Variants in MAOB observed in about 807,000 individuals in gnomAD.
MAOB encodes amine oxidase [flavin-containing] B.
Under a neutral mutation model 41.9 loss-of-function variants are expected in MAOB, and 15 were observed. The observed-to-expected ratio is 0.36, with a 90% CI of 0.24 to 0.55. The LOEUF (loss-of-function observed/expected upper bound fraction) is 0.55. Among genes scored for constraint, MAOB ranks in the 20% least tolerant of loss-of-function variants. MAOB has a pLI of 0.86. For synonymous variants in MAOB, 167 were observed against 144.2 expected, an observed-to-expected ratio of 1.16 and a Z score of -1.13; for missense variants, 345 against 398.7, an observed-to-expected ratio of 0.87 and a Z score of 1.15.
intron 1 of MAOB, among the ~76,000 whole-genome samples, chrX:43,852,040 A>G (rs1465729853): frequency 8.9e-6 from 1 of 111,835 alleles, no homozygotes; most frequent in African/African-American, 3.3e-5. Context: ...TTTGCCCTTC[A>G]GTAGAAAAAG....
At chrX:43,773,484 C>A (rs933821075) in intron 12 of MAOB, among the ~76,000 whole-genome samples, 13 of 112,794 alleles carry the variant, frequency 1.2e-4, no homozygotes, top group African/African-American at 4.2e-4. Context: ...GTTCTCAGCA[C>A]AGTGCTTCGC....
At chrX:43,862,321 G>A (rs1310066135) in intron 1 of MAOB, among the ~76,000 whole-genome samples, 2 of 111,507 alleles carry the variant, frequency 1.8e-5, no homozygotes, top group East Asian at 5.6e-4. Context: ...TTAGTGCTAT[G>A]TCTTACTATG....
At chrX:43,875,647 CGTGGCCCCTCAAT>C (rs746319128) in intron 1 of MAOB, among the ~76,000 whole-genome samples, 56 of 111,916 alleles carry the variant, frequency 5.0e-4, no homozygotes, top group African/African-American at 1.7e-3. Context: ...TACACCTGAA[CGTGGCCCCTCAAT>C]TTGGCTCACT....
chrX:43,880,119 C>T (rs1239950618), intron 1 of MAOB, among the ~76,000 whole-genome samples: 2 of 112,304 alleles, frequency 1.8e-5, no homozygotes, highest in Non-Finnish European at 3.7e-5. Context: ...CTGTCTTCCA[C>T]ATCAGCTTGT....
At chrX:43,793,915 C>A (rs967335709) in intron 7 of MAOB, among the ~76,000 whole-genome samples, 5 of 111,538 alleles carry the variant, frequency 4.5e-5, no homozygotes, top group African/African-American at 1.6e-4. Flanking sequence ...CTCACTCTGT[C>A]GCCAGGCTGG....
At position 43,776,594 on chromosome X, in the gene MAOB, A is replaced by G. The variant is rs944155828; in HGVS notation, c.1138-1322T>C. On this transcript the variant is annotated intron_variant, in intron 11 of 14. Transcript: ENST00000378069. ...CAACTCCACACTCTTTATTCTCCAG[A>G]CCTCTAGCACTGAATGGCATTTTTT... is the stretch of plus-strand genomic sequence containing the variant. Among the ~76,000 whole-genome samples, 4 of 108,699 alleles carry G rather than the reference A, an allele frequency of 3.7e-5. No homozygotes were observed. In the Admixed American group the frequency reaches 3.9e-4, roughly 11 times the overall value. 94.4% of individuals were successfully genotyped at this position (108,699 alleles called of 115,157 possible). A position where few individuals can be genotyped will look rare whatever the true frequency, so the allele number is the denominator to read the frequency against.
intron 3 of MAOB, among the ~76,000 whole-genome samples, chrX:43,815,188 A>G (rs1329304007): frequency 1.8e-5 from 2 of 112,161 alleles, no homozygotes; most frequent in African/African-American, 6.5e-5. Flanking sequence ...TCCAAAGCAG[A>G]ATAATGCCCA....
At chrX:43,768,014 C>A (rs975554330) in intron 14 of MAOB, among the ~76,000 whole-genome samples, 1 of 111,853 alleles carries the variant, frequency 8.9e-6, no homozygotes, top group Non-Finnish European at 1.9e-5. Flanking sequence ...TCAATGGTCC[C>A]TACAGCCCAC....
chrX:43,778,632 G>C, intron 11 of MAOB, 50 bp downstream of exon 11: 1 of 1,027,230 alleles, frequency 9.7e-7, no homozygotes, highest in Non-Finnish European at 1.3e-6. Flanking sequence ...GTCACTTGGG[G>C]ACAAAGAAAG....
intron 5 of MAOB, among the ~76,000 whole-genome samples, chrX:43,798,442 C>T (rs2034553742): frequency 8.9e-6 from 1 of 112,371 alleles, no homozygotes; most frequent in Admixed American, 9.4e-5. Flanking sequence ...ATTTTACTGC[C>T]TAACAGAAGA....
chrX:43,770,047 GC>G (rs35943983), intron 12 of MAOB, among the ~76,000 whole-genome samples: 1 of 111,004 alleles, frequency 9.0e-6, no homozygotes, highest in African/African-American at 3.3e-5. Flanking sequence ...AACCACGCAG[GC>G]CCCCTTCAAG....
At chrX:43,847,155 C>A (rs185761524) in intron 1 of MAOB, among the ~76,000 whole-genome samples, 167 of 111,414 alleles carry the variant, frequency 1.5e-3, no homozygotes, top group African/African-American at 5.2e-3. Flanking sequence ...ACCAGCCTGG[C>A]CAACATGGGG....
chrX:43,870,216 T>G (rs1247379997), intron 1 of MAOB, among the ~76,000 whole-genome samples: 1 of 112,381 alleles, frequency 8.9e-6, no homozygotes, highest in African/African-American at 3.2e-5. Flanking sequence ...AGATTAGGGC[T>G]GTTTCATAAT....
intron 1 of MAOB, among the ~76,000 whole-genome samples, chrX:43,849,463 C>T (rs772346822): frequency 1.8e-5 from 2 of 112,635 alleles, no homozygotes; most frequent in Admixed American, 1.9e-4. Flanking sequence ...TGCATGCCTT[C>T]GTGTAAATTG....
At chrX:43,785,067 G>T (rs930875892) in intron 8 of MAOB, among the ~76,000 whole-genome samples, 1 of 112,842 alleles carries the variant, frequency 8.9e-6, no homozygotes, top group South Asian at 3.7e-4. Flanking sequence ...AGAATCACTT[G>T]AACCAGGGAG....
rs775842946 is a variant in MAOB, at chrX:43,795,790, G to A, written c.717C>T (p.Asp239=). The change falls in exon 7 of 15, where the codon GAC becomes GAT. Residue 239 remains aspartate (D), a synonymous_variant. Transcript: ENST00000378069. ...CCACAAGGACATTTTCTCTTGTCTGGTCAATGTAGATCACAGGCCTCTCCA... is the reference window on the plus strand; with the variant it reads ...CCACAAGGACATTTTCTCTTGTCTGATCAATGTAGATCACAGGCCTCTCCA... ...VKLERPVIYI[D]QTRENVLVET... is the part of the protein sequence containing the mutation. 1 of 1,210,686 alleles carries A rather than the reference G, an allele frequency of 8.3e-7. No individual in the cohort carries two copies. The highest frequency in any genetic ancestry group is 2.2e-5 in the Admixed American group (1 of 46,047).
chrX:43,802,104 G>A lies in MAOB; in HGVS notation c.476+68C>T, dbSNP rs1431286373. ...AGCAGCTACTTGTCCCATACTTGTTGAACGGTATTGCTAAATAAACCTAAA... is the reference window on the plus strand; with the variant it reads ...AGCAGCTACTTGTCCCATACTTGTTAAACGGTATTGCTAAATAAACCTAAA... On this transcript the variant is annotated intron_variant, in intron 5 of 14. Coordinates refer to ENST00000378069, the MANE Select transcript of MAOB (RefSeq NM_000898.5). 10 of 870,587 alleles carry A rather than the reference G, an allele frequency of 1.1e-5. No individual in the cohort carries two copies. In the East Asian group the frequency reaches 3.4e-4, roughly 29 times the overall value. 71.7% of individuals were successfully genotyped at this position (870,587 alleles called of 1,213,427 possible).
At chrX:43,852,666 A>G (rs1391351538) in intron 1 of MAOB, among the ~76,000 whole-genome samples, 2 of 112,384 alleles carry the variant, frequency 1.8e-5, no homozygotes, top group Non-Finnish European at 3.8e-5. Context: ...TTAATGTATC[A>G]CATAATTCCA....
chrX:43,845,361 T>G (rs1941718652), intron 1 of MAOB, among the ~76,000 whole-genome samples: 1 of 112,333 alleles, frequency 8.9e-6, no homozygotes, highest in Non-Finnish European at 1.9e-5. Context: ...TTCTGTGACT[T>G]TTAGACACCA....
Sources: allele counts gnomAD v4.1 joint callset (sites outside exome capture counted in the v4.1 genomes callset), GRCh38; gene constraint gnomAD v4.1.1; transcripts MANE v1.5; gene names NCBI Gene and HGNC (gene_info 2026-07-23, HGNC 2026-07-21).